Variants in ATF5 observed in about 807,000 individuals in gnomAD.
ATF5 encodes the protein cyclic AMP-dependent transcription factor ATF-5.
In ATF5, 6 loss-of-function variants were observed where a neutral mutation model predicts 4.6. The ratio of observed to expected loss-of-function variants is 1.31; its 90% CI spans 0.72 to 2.59. The LOEUF is 2.59. ATF5 is among the 30% of genes most tolerant of loss of function. The probability of loss-of-function intolerance (pLI) is 0.00; values close to 1 mark genes in which losing one functional copy is unlikely to be tolerated. For missense variants in ATF5, 410 were observed against 368.7 expected, an observed-to-expected ratio of 1.11 and a Z score of -0.92; for synonymous variants, 193 against 165.0, an observed-to-expected ratio of 1.17 and a Z score of -1.30.
rs117996769 is a variant in ATF5, at chr19:49,930,737, C to G, written c.-114C>G. ...CTCTTGTCTCACGCGTGTAGGTCTT[C>G]CACTTTCGCCTTGGTGCCTGTCTTC... On this transcript the variant is annotated 5_prime_UTR_variant, in exon 2 of 3. Transcript: ENST00000423777. 3,091 of 862,776 alleles carry G rather than the reference C, an allele frequency of 3.6e-3. 8 individuals are homozygous for G. Among genetic ancestry groups the G allele is most frequent in the Non-Finnish European group, 4.7e-3 (2,725 of 584,114 alleles). The allele number at this position is 862,776 out of a possible 1,614,324, so 53.4% of individuals were successfully genotyped here.
In ATF5 at chr19:49,930,835, C is replaced by A; in HGVS notation, c.-16C>A. 6.4e-7 allele frequency: 1 copy of A among 1,560,072 alleles called. No homozygotes were observed. Among genetic ancestry groups the A allele is most frequent in the Non-Finnish European group, 8.7e-7 (1 of 1,148,928 alleles). ...CTCTCCTGTTGCCATCAGTGCCCAG[C>A]ACCTGTGCTACAGCCATGTCACTCC... On this transcript the variant is annotated 5_prime_UTR_variant, in exon 2 of 3. Coordinates refer to ENST00000423777, the MANE Select transcript of ATF5 (RefSeq NM_001193646.2).
intron 2 of ATF5, 34 bp from the exon 3 acceptor site, chr19:49,932,386 CAG>C: frequency 6.2e-7 from 1 of 1,611,140 alleles, no homozygotes; most frequent in Non-Finnish European, 8.5e-7. Flanking sequence ...ACCAGCAACT[CAG>C]GGAATTTTGT....
Position 49,932,511 on chromosome 19 carries a change from C to A in ATF5, c.268C>A (p.Gln90Lys). The change falls in exon 3 of 3, where the codon CAA (glutamine) becomes AAA (lysine). Residue 90 changes from glutamine (Q) to lysine (K), a missense_variant. Physicochemically the swap from Gln to Lys is moderately conservative, Grantham distance 53 (BLOSUM62 1). Transcript: ENST00000423777. Reference sequence around the variant, plus strand: ...TCCCTTACCCCCCGGCACCCTCCCCCAACCTTCCCCAACCCCACCTGACCT... The same window carrying A: ...TCCCTTACCCCCCGGCACCCTCCCCAAACCTTCCCCAACCCCACCTGACCT... ...EPPLPPGTLP[Q>K]PSPTPPDLEA... The A allele has an allele frequency of 6.2e-7, 1 of 1,606,310 alleles. No homozygotes were observed. The highest frequency in any genetic ancestry group is 1.1e-5 in the South Asian group (1 of 90,398).
chr19:49,930,654 T>G (rs1600588707), intron 1 of ATF5, 78 bp from the exon 2 acceptor site: 1 of 419,772 alleles, frequency 2.4e-6, no homozygotes, highest in South Asian at 7.5e-5. Context: ...TGCCTGGGGG[T>G]GTGGCTTGGC....
In ATF5 at chr19:49,933,173, CCT is replaced by C; in HGVS notation, c.*85_*86del. On this transcript the variant is annotated 3_prime_UTR_variant, in exon 3 of 3. Coordinates refer to ENST00000423777, the MANE Select transcript of ATF5 (RefSeq NM_001193646.2). ...CCTGCCTCTACCTTCATTCCAAACC[CCT>C]CTCGGCCGGGTGCAGTGGCTTATGC... 6 of 1,409,912 alleles carry C rather than the reference CCT, an allele frequency of 4.3e-6. No individual in the cohort carries two copies. Among genetic ancestry groups the C allele is most frequent in the Non-Finnish European group, 5.7e-6 (6 of 1,060,534 alleles). The allele number at this position is 1,409,912 out of a possible 1,614,324, so 87.3% of individuals were successfully genotyped here. A position where few individuals can be genotyped will look rare whatever the true frequency, so the allele number is the denominator to read the frequency against.
chr19:49,931,675 T>C, intron 2 of ATF5, among the ~76,000 whole-genome samples: 1 of 151,788 alleles, frequency 6.6e-6, no homozygotes, highest in East Asian at 1.9e-4. Context: ...AGGGAAGGAA[T>C]GAGGAAAACA....
chr19:49,930,547 G>C (rs914253984), intron 1 of ATF5, 185 bp from the exon 2 acceptor site: 2 of 314,550 alleles, frequency 6.4e-6, no homozygotes, highest in Non-Finnish European at 1.2e-5. Context: ...GGGGCTCAGA[G>C]ATTTGGGTAA....
rs536093249 is a variant in ATF5 at position 49,932,776 on chromosome 19, C to T, written c.533C>T (p.Pro178Leu). The change falls in exon 3 of 3, where the codon CCG becomes CTG. Residue 178 changes from proline to leucine, a missense_variant. Physicochemically the swap from Pro to Leu is moderately conservative, Grantham distance 98. Transcript: ENST00000423777. ...GCCGGGCAGGAGGAAGTGGGGATGC[C>T]GCCTCTGCCCCCGCCACAGCAGCCC... ...NEAGQEEVGMPPLPPPQQPPP... is the reference protein window; with the variant it reads ...NEAGQEEVGMLPLPPPQQPPP... 1.4e-5 allele frequency: 22 copies of T among 1,602,056 alleles called. No individual in the cohort carries two copies. In the South Asian group the frequency reaches 1.8e-4, roughly 13 times the overall value.
chr19:49,930,675 T>G (rs2076045287), intron 1 of ATF5, 57 bp from the exon 2 acceptor site: 2 of 448,488 alleles, frequency 4.5e-6, no homozygotes. Flanking sequence ...TTCCCCTTGA[T>G]TTTGGCCGGT....
At chr19:49,931,572 G>A (rs569205441) in intron 2 of ATF5, among the ~76,000 whole-genome samples, 1 of 152,224 alleles carries the variant, frequency 6.6e-6, no homozygotes, top group South Asian at 2.1e-4. Context: ...GCTTGAGCCT[G>A]GGAGGTCTAG....
At chr19:49,929,112 T>C (rs908688542), upstream of ATF5, 6 of 152,272 alleles carry the variant, frequency 3.9e-5, no homozygotes, top group East Asian at 3.9e-4. Flanking sequence ...TGCCTCCCGG[T>C]TGGGGCCGCG....
In ATF5 at chr19:49,930,744, C is replaced by A. The variant is rs140839458; in HGVS notation, c.-107C>A. The A allele has an allele frequency of 1.2e-3, 1,160 of 944,466 alleles. 6 individuals carry two copies. The African/African-American group carries it at 0.017, about 14-fold the overall frequency. The allele number at this position is 944,466 out of a possible 1,614,324, so 58.5% of individuals were successfully genotyped here. ...CTCACGCGTGTAGGTCTTCCACTTT[C>A]GCCTTGGTGCCTGTCTTCGCCCACC... On this transcript the variant is annotated 5_prime_UTR_variant, in exon 2 of 3. Coordinates refer to ENST00000423777, the MANE Select transcript of ATF5 (RefSeq NM_001193646.2).
At chr19:49,930,382 TGAG>T (rs964902273) in intron 1 of ATF5, 1 of 154,672 alleles carries the variant, frequency 6.5e-6, no homozygotes, top group African/African-American at 2.4e-5. Flanking sequence ...TCCCTGGGAT[TGAG>T]TTTTTCCTTG....
At position 49,933,557 on chromosome 19, in the gene ATF5, C is replaced by T. The variant is rs998212427; in HGVS notation, c.*465C>T. The T allele has an allele frequency of 1.3e-5, 2 of 155,276 alleles. No homozygotes were observed. Among genetic ancestry groups the T allele is most frequent in the African/African-American group, 2.4e-5 (1 of 41,474 alleles). The allele number at this position is 155,276 out of a possible 1,614,324, so 9.6% of individuals were successfully genotyped here. ...CTTGAATTTCAAACCTGGTTTCTTACAGGTGGTTGTCTGGGGTGGGTGGAG... is the reference window on the plus strand; with the variant it reads ...CTTGAATTTCAAACCTGGTTTCTTATAGGTGGTTGTCTGGGGTGGGTGGAG... On this transcript the variant is annotated 3_prime_UTR_variant, in exon 3 of 3. Coordinates refer to ENST00000423777, the MANE Select transcript of ATF5 (RefSeq NM_001193646.2).
rs1165087321 is a variant in ATF5 at position 49,932,524 on chromosome 19, C to A, written c.281C>A (p.Thr94Asn). The change falls in exon 3 of 3, where the codon ACC becomes AAC. Residue 94 changes from threonine to asparagine, a missense_variant. Thr to Asn is a moderately conservative substitution (Grantham distance 65, BLOSUM62 0). Transcript: ENST00000423777. ...GGCACCCTCCCCCAACCTTCCCCAA[C>A]CCCACCTGACCTGGAAGCTATGGCC... Reference protein sequence around the residue: ...PPGTLPQPSPTPPDLEAMASL... With the variant: ...PPGTLPQPSPNPPDLEAMASL... 1.9e-6 allele frequency: 3 copies of A among 1,546,988 alleles called. No individual in the cohort carries two copies. Among genetic ancestry groups the A allele is most frequent in the Non-Finnish European group, 2.6e-6 (3 of 1,136,666 alleles).
At position 49,930,918 on chromosome 19, in the gene ATF5, G is replaced by A. The variant is rs748981280; in HGVS notation, c.68G>A (p.Trp23Ter). 2 of 1,612,036 alleles carry A rather than the reference G, an allele frequency of 1.2e-6. No homozygotes were observed. Among genetic ancestry groups the A allele is most frequent in the Non-Finnish European group, 1.7e-6 (2 of 1,179,210 alleles). The change falls in exon 2 of 3, where the codon TGG becomes TAG. Residue 23 changes from tryptophan to a stop codon, truncating the protein, a stop_gained. Transcript: ENST00000423777. LOFTEE classifies it high-confidence loss of function. ...CTGCTCCCAGCTAGTGGGCTGGGAT[G>A]GCTCGTAGACTATGGGAAACTCCCC... ...RALLPASGLG[W>*]LVDYGKLPPA...
At chr19:49,930,248 T>G in intron 1 of ATF5, 1 of 151,988 alleles carries the variant, frequency 6.6e-6, no homozygotes, top group South Asian at 2.1e-4. Flanking sequence ...TTTGAGTGGA[T>G]AACATTGCTG....
intron 2 of ATF5, 164 bp downstream of exon 2, chr19:49,931,192 T>C: frequency 1.8e-6 from 1 of 561,880 alleles, no homozygotes. Flanking sequence ...GGTCTGTGCC[T>C]TCCAGCAGCT....
chr19:49,929,613 C>T (rs1016343651), intron 1 of ATF5: 1 of 151,918 alleles, frequency 6.6e-6, no homozygotes, highest in African/African-American at 2.4e-5. Context: ...GTTTGTCAGC[C>T]CGCGTGCAGC....
Sources: gnomAD v4.1 joint callset for allele counts (sites outside exome capture counted in the v4.1 genomes callset) on GRCh38, gnomAD v4.1.1 for gene constraint, MANE v1.5 for transcripts, NCBI Gene and HGNC (gene_info 2026-07-23, HGNC 2026-07-21) for gene names.